The following PRDM5 variants were observed in gnomAD, a reference collection of about 807,000 sequenced individuals.
PRDM5 encodes the protein PR domain zinc finger protein 5.
A neutral mutation model predicts 81.2 loss-of-function variants in PRDM5; 56 were observed. That is an observed-to-expected ratio of 0.69 (90% CI 0.56 to 0.86). The LOEUF (loss-of-function observed/expected upper bound fraction) is 0.86, where lower values mean the gene tolerates loss of function less well. Among genes scored for constraint, PRDM5 ranks in the 40% least tolerant of loss-of-function variants. The probability of loss-of-function intolerance (pLI) is 0.00; values close to 1 mark genes in which losing one functional copy is unlikely to be tolerated. For synonymous variants in PRDM5, 267 were observed against 256.4 expected, an observed-to-expected ratio of 1.04 and a Z score of -0.39; for missense variants, 697 against 770.1, an observed-to-expected ratio of 0.91 and a Z score of 1.12.
chr4:120,837,334 G>C (rs1427509668), intron 3 of PRDM5: 2 of 152,090 alleles, frequency 1.3e-5, no homozygotes, highest in African/African-American at 4.8e-5. Flanking sequence ...TGTTTTTTCT[G>C]TTTTGTTTTT....
intron 2 of PRDM5, among the ~76,000 whole-genome samples, chr4:120,894,037 A>G (rs543675021): frequency 2.0e-4 from 30 of 152,274 alleles, no homozygotes; most frequent in Non-Finnish European, 4.1e-4. Context: ...ACAATGATTG[A>G]TCTAATTGGG....
rs370387683 is a variant in PRDM5 at position 120,863,191 on chromosome 4, T to TAC, written c.178-9653_178-9652dup. Among the ~76,000 whole-genome samples, 575 of 70,290 alleles carry TAC rather than the reference T, an allele frequency of 8.2e-3. 15 individuals carry two copies. Among genetic ancestry groups the TAC allele is most frequent in the East Asian group, 0.043 (115 of 2,690 alleles). The allele number at this position is 70,290 out of a possible 152,430, so 46.1% of individuals were successfully genotyped here. On this transcript the variant is annotated intron_variant, in intron 2 of 15. Coordinates refer to ENST00000264808, the MANE Select transcript of PRDM5 (RefSeq NM_018699.4). ...AAAAAAAAAAATATATATATATATATACACACACACACACACACACACACA... is the reference window on the plus strand; with the variant it reads ...AAAAAAAAAAATATATATATATATATACACACACACACACACACACACACACA...
At chr4:120,747,095 T>G (rs1274421542) in intron 14 of PRDM5, among the ~76,000 whole-genome samples, 3 of 148,958 alleles carry the variant, frequency 2.0e-5, no homozygotes, top group Non-Finnish European at 3.0e-5. Flanking sequence ...CATAGAATAC[T>G]ATGCAGCCAT....
Position 120,860,392 on chromosome 4 carries a change from T to C in PRDM5, c.178-6852A>G, listed in dbSNP as rs199769363. Among the ~76,000 whole-genome samples, 46 of 118,302 alleles carry C rather than the reference T, an allele frequency of 3.9e-4. No individual in the cohort carries two copies. In the East Asian group the frequency reaches 8.3e-3, roughly 21 times the overall value. The allele number at this position is 118,302 out of a possible 152,430, so 77.6% of individuals were successfully genotyped here. A position where few individuals can be genotyped will look rare whatever the true frequency, so the allele number is the denominator to read the frequency against. On this transcript the variant is annotated intron_variant, in intron 2 of 15. Coordinates refer to ENST00000264808, the MANE Select transcript of PRDM5 (RefSeq NM_018699.4). ...AAAGTACTTTTTAAATTGGGCTAATTTTTTTTAAAAAAATAAATACCTGAC... is the reference window on the plus strand; with the variant it reads ...AAAGTACTTTTTAAATTGGGCTAATCTTTTTTAAAAAAATAAATACCTGAC...
chr4:120,802,923 A>C (rs146110888), intron 8 of PRDM5, among the ~76,000 whole-genome samples: 1 of 152,196 alleles, frequency 6.6e-6, no homozygotes, highest in African/African-American at 2.4e-5. Context: ...TAAAGGAAGA[A>C]GTTCAAACCC....
At chr4:120,833,343 C>G (rs1334709474) in intron 3 of PRDM5, among the ~76,000 whole-genome samples, 2 of 152,036 alleles carry the variant, frequency 1.3e-5, no homozygotes, top group Non-Finnish European at 2.9e-5. Context: ...CACTTGGTAG[C>G]CTTCTCGGTT....
chr4:120,741,685 G>A (rs1172061663), intron 14 of PRDM5, among the ~76,000 whole-genome samples: 2 of 152,170 alleles, frequency 1.3e-5, no homozygotes, highest in Middle Eastern at 6.8e-3. Flanking sequence ...CTGGAAAATA[G>A]GGTCACTCCC....
intron 13 of PRDM5, among the ~76,000 whole-genome samples, chr4:120,765,610 G>C (rs1314524171): frequency 2.6e-5 from 4 of 152,148 alleles, no homozygotes; most frequent in Non-Finnish European, 1.5e-5. Flanking sequence ...GCACAATCCT[G>C]AACATTCCCC....
rs757862901 is a variant in PRDM5, at chr4:120,907,563, T to C, written c.94-6A>G. On this transcript the variant is annotated splice_region_variant and splice_polypyrimidine_tract_variant and intron_variant, in intron 1 of 15. Coordinates refer to ENST00000264808, the MANE Select transcript of PRDM5 (RefSeq NM_018699.4). ...AAGGGTCCGAACTTTTCACCCTGAG[T>C]AGCAATGATTATATTGAACAAGGAT... is the stretch of plus-strand genomic sequence containing the variant. 12 of 1,595,634 alleles carry C rather than the reference T, an allele frequency of 7.5e-6. No individual in the cohort carries two copies. Among genetic ancestry groups the C allele is most frequent in the Admixed American group, 1.7e-5 (1 of 59,968 alleles).
At chr4:120,787,662 AAAG>A (rs1385812217) in intron 10 of PRDM5, among the ~76,000 whole-genome samples, 5 of 152,194 alleles carry the variant, frequency 3.3e-5, no homozygotes, top group African/African-American at 9.7e-5. Flanking sequence ...TGAGACACAA[AAAG>A]AAGGAGGCAA....
At chr4:120,839,173 C>A (rs1578939929) in intron 3 of PRDM5, 2 of 697,588 alleles carry the variant, frequency 2.9e-6, no homozygotes, top group South Asian at 1.5e-5. Flanking sequence ...GCTCTTCTCT[C>A]CTTCTCTTCA....
At chr4:120,701,362 CA>C (rs1172568026) in intron 15 of PRDM5, among the ~76,000 whole-genome samples, 10 of 151,856 alleles carry the variant, frequency 6.6e-5, no homozygotes, top group Non-Finnish European at 1.5e-4. Context: ...ATCATTTTAC[CA>C]AAAAGACATA....
intron 3 of PRDM5, among the ~76,000 whole-genome samples, chr4:120,853,116 A>G (rs1759473307): frequency 6.6e-6 from 1 of 152,164 alleles, no homozygotes; most frequent in Non-Finnish European, 1.5e-5. Context: ...AACAAATTAA[A>G]ATATCAATGA....
At chr4:120,850,959 A>G (rs3106315) in intron 3 of PRDM5, among the ~76,000 whole-genome samples, 2,398 of 152,270 alleles carry the variant, frequency 0.016, 57 homozygotes, top group African/African-American at 0.054. Flanking sequence ...GTAAATGGTG[A>G]AAGATCAAGG....
At chr4:120,822,619 T>A (rs147802243) in intron 3 of PRDM5, among the ~76,000 whole-genome samples, 1 of 152,150 alleles carries the variant, frequency 6.6e-6, no homozygotes, top group Non-Finnish European at 1.5e-5. Flanking sequence ...AAATTGTACA[T>A]ACAGTTATTT....
At chr4:120,844,414 AAC>A (rs1205684095) in intron 3 of PRDM5, among the ~76,000 whole-genome samples, 1 of 152,208 alleles carries the variant, frequency 6.6e-6, no homozygotes, top group Non-Finnish European at 1.5e-5. Context: ...CCATTTCTCC[AAC>A]ACCATGTGCT....
intron 2 of PRDM5, among the ~76,000 whole-genome samples, chr4:120,864,801 T>C (rs2148513583): frequency 6.6e-6 from 1 of 152,334 alleles, no homozygotes; most frequent in South Asian, 2.1e-4. Context: ...CTAAAGCTCT[T>C]ATGTCCTAAC....
Position 120,707,282 on chromosome 4 carries a change from A to G in PRDM5, c.1728+3027T>C, listed in dbSNP as rs147582285. 7.8e-3 allele frequency among the ~76,000 whole-genome samples: 1,185 copies of G among 152,070 alleles called. 3 individuals are homozygous for G. Among genetic ancestry groups the G allele is most frequent in the Middle Eastern group, 0.017 (5 of 294 alleles). ...ACTGCAACAGTGGTTCGAATAGGAA[A>G]ATCAAACAAAGTAATACATCATACG... On this transcript the variant is annotated intron_variant, in intron 15 of 15. Coordinates refer to ENST00000264808, the MANE Select transcript of PRDM5 (RefSeq NM_018699.4).
At chr4:120,724,656 G>A (rs1163100123) in intron 14 of PRDM5, among the ~76,000 whole-genome samples, 1 of 152,138 alleles carries the variant, frequency 6.6e-6, no homozygotes, top group Non-Finnish European at 1.5e-5. Context: ...TTTATTCAGA[G>A]GTGTGCAGGA....
Sources: gnomAD v4.1 joint callset for allele counts (sites outside exome capture counted in the v4.1 genomes callset) on GRCh38, gnomAD v4.1.1 for gene constraint, MANE v1.5 for transcripts, NCBI Gene and HGNC (gene_info 2026-07-23, HGNC 2026-07-21) for gene names.